Variants in PTCD2 observed in about 807,000 individuals in gnomAD.
The protein encoded by PTCD2 is pentatricopeptide repeat domain 2, also known as pentatricopeptide repeat-containing protein 2, mitochondrial.
PTCD2 carries 31 observed loss-of-function variants against 42.6 expected under a neutral mutation model. That is an observed-to-expected ratio of 0.73 (90% CI 0.55 to 0.98). The LOEUF (loss-of-function observed/expected upper bound fraction) is 0.98. Among genes scored for constraint, PTCD2 ranks in the 50% least tolerant of loss-of-function variants. PTCD2 has a pLI of 0.00. For synonymous variants in PTCD2, 183 were observed against 170.9 expected, an observed-to-expected ratio of 1.07 and a Z score of -0.55; for missense variants, 476 against 454.8, an observed-to-expected ratio of 1.05 and a Z score of -0.42.
intron 8 of PTCD2, among the ~76,000 whole-genome samples, chr5:72,346,103 T>C (rs950605652): frequency 3.3e-5 from 5 of 152,302 alleles, no homozygotes; most frequent in Admixed American, 1.3e-4. Flanking sequence ...ACCTCAACTT[T>C]ACTTTTCAAA....
Position 72,338,669 on chromosome 5 carries a change from T to G in PTCD2, c.687T>G (p.Ala229=). 1 of 1,612,964 alleles carries G rather than the reference T, an allele frequency of 6.2e-7. No homozygotes were observed. The highest frequency in any genetic ancestry group is 1.1e-5 in the South Asian group (1 of 91,012). Residue 229 remains alanine (A), a synonymous_variant, in exon 7 of 10, where the codon GCT becomes GCG. Transcript: ENST00000380639. ...FKICTTLREE[A]LLKGEILSRR... ...TCTGTACTACATTAAGAGAAGAAGCTCTACTCAAAGGAGAAATTCTCTCCA... is the reference window on the plus strand; with the variant it reads ...TCTGTACTACATTAAGAGAAGAAGCGCTACTCAAAGGAGAAATTCTCTCCA...
intron 8 of PTCD2, among the ~76,000 whole-genome samples, chr5:72,349,160 C>T (rs975360682): frequency 3.3e-5 from 5 of 152,208 alleles, no homozygotes; most frequent in African/African-American, 1.2e-4. Context: ...CAGCCTCTTT[C>T]TATGTTTCTA....
chr5:72,332,316 A>C (rs1329626394), intron 4 of PTCD2, among the ~76,000 whole-genome samples: 1 of 152,196 alleles, frequency 6.6e-6, no homozygotes, highest in Non-Finnish European at 1.5e-5. Flanking sequence ...ATAATATATT[A>C]GTAAGCAGAG....
At chr5:72,326,587 G>C in intron 2 of PTCD2, 25 bp from the exon 3 acceptor site, 2 of 1,613,422 alleles carry the variant, frequency 1.2e-6, no homozygotes, top group Non-Finnish European at 1.7e-6. Flanking sequence ...CTGAGTGATG[G>C]TCACCATACT....
chr5:72,350,300 A>G (rs1200787220), intron 8 of PTCD2, among the ~76,000 whole-genome samples: 7 of 91,922 alleles, frequency 7.6e-5, no homozygotes, highest in Non-Finnish European at 2.0e-4. Flanking sequence ...AGGACAATTT[A>G]TTATGTAGCA....
intron 7 of PTCD2, among the ~76,000 whole-genome samples, chr5:72,339,216 A>G (rs1404062847): frequency 6.6e-6 from 1 of 152,208 alleles, no homozygotes; most frequent in Non-Finnish European, 1.5e-5. Flanking sequence ...GAGGTAGCAG[A>G]GACCCAGACA....
At chr5:72,347,414 G>A (rs1204585573) in intron 8 of PTCD2, among the ~76,000 whole-genome samples, 3 of 152,170 alleles carry the variant, frequency 2.0e-5, no homozygotes, top group Non-Finnish European at 2.9e-5. Flanking sequence ...GGCTGGGTGC[G>A]GTGGCTCATG....
chr5:72,343,416 G>A (rs146320744), intron 8 of PTCD2, among the ~76,000 whole-genome samples: 56 of 152,284 alleles, frequency 3.7e-4, no homozygotes, highest in South Asian at 6.2e-4. Context: ...TGCCAACTGC[G>A]TCTTATTGGT....
intron 9 of PTCD2, among the ~76,000 whole-genome samples, chr5:72,357,638 C>A (rs1230090614): frequency 1.3e-5 from 2 of 152,120 alleles, no homozygotes; most frequent in African/African-American, 4.8e-5. Flanking sequence ...TTACATTGAA[C>A]AAAGTTGATT....
chr5:72,320,621 C>T (rs1452328221), intron 1 of PTCD2, 112 bp downstream of exon 1: 1 of 1,473,626 alleles, frequency 6.8e-7, no homozygotes, highest in Admixed American at 1.9e-5. Flanking sequence ...ACTCACTGGC[C>T]TGGAGCGCAC....
chr5:72,322,996 T>A (rs1750943057), intron 2 of PTCD2, among the ~76,000 whole-genome samples: 4 of 152,112 alleles, frequency 2.6e-5, no homozygotes, highest in African/African-American at 9.6e-5. Flanking sequence ...CAAATTTTTT[T>A]AAAGTTAGTT....
chr5:72,362,844 G>A lies in PTCD2; in HGVS notation c.*4417G>A, dbSNP rs1161386795. ...GACTCCCAGGGATCTTTTTGTTTCT[G>A]TAGGAGGTGCTCATTACAGAGTGGC... is the stretch of plus-strand genomic sequence containing the variant. On this transcript the variant is annotated 3_prime_UTR_variant, in exon 10 of 10. Transcript: ENST00000380639. The A allele has an allele frequency of 6.6e-6, 1 of 152,174 alleles. No homozygotes were observed. Among genetic ancestry groups the A allele is most frequent in the African/African-American group, 2.4e-5 (1 of 41,428 alleles). The allele number at this position is 152,174 out of a possible 1,614,324, so 9.4% of individuals were successfully genotyped here.
Position 72,325,722 on chromosome 5 carries a change from CA to C in PTCD2, c.221-887del, listed in dbSNP as rs1261599592. On this transcript the variant is annotated intron_variant, in intron 2 of 9. Transcript: ENST00000380639. ...GCCTCTCCTTTCAGCAGCATTCCTT[CA>C]AAGCTCTGGGTTCTTGGAACAAATC... Among the ~76,000 whole-genome samples, 3 of 152,244 alleles carry C rather than the reference CA, an allele frequency of 2.0e-5. No homozygotes were observed. The East Asian group carries it at 5.8e-4, about 29-fold the overall frequency.
intron 6 of PTCD2, among the ~76,000 whole-genome samples, chr5:72,336,564 G>A (rs1751752187): frequency 6.6e-6 from 1 of 152,000 alleles, no homozygotes; most frequent in East Asian, 1.9e-4. Context: ...CAAAAAATTA[G>A]CCAGGCGTGG....
intron 8 of PTCD2, among the ~76,000 whole-genome samples, chr5:72,348,786 G>A (rs1228592328): frequency 6.6e-6 from 1 of 152,222 alleles, no homozygotes; most frequent in South Asian, 2.1e-4. Flanking sequence ...TTTTGGAATT[G>A]AATTTACCTT....
At chr5:72,334,312 T>C (rs182763791) in intron 4 of PTCD2, among the ~76,000 whole-genome samples, 1 of 152,356 alleles carries the variant, frequency 6.6e-6, no homozygotes, top group East Asian at 1.9e-4. Flanking sequence ...ACCATAGTTG[T>C]GTGAGACCCT....
At chr5:72,346,323 T>A (rs1042578766) in intron 8 of PTCD2, among the ~76,000 whole-genome samples, 1 of 152,230 alleles carries the variant, frequency 6.6e-6, no homozygotes, top group African/African-American at 2.4e-5. Context: ...TATGAACTGA[T>A]GAATGCCATA....
intron 4 of PTCD2, among the ~76,000 whole-genome samples, chr5:72,333,879 G>A (rs1751573111): frequency 6.6e-6 from 1 of 151,926 alleles, no homozygotes; most frequent in African/African-American, 2.4e-5. Flanking sequence ...TTGGATACAG[G>A]GTCTTGCTCC....
intron 2 of PTCD2, among the ~76,000 whole-genome samples, chr5:72,323,533 C>CT (rs892613033): frequency 5.0e-4 from 74 of 148,760 alleles, no homozygotes; most frequent in Admixed American, 1.5e-3. Context: ...TAAGACTTTC[C>CT]TTTTTTTTTT....
Sources: allele counts gnomAD v4.1 joint callset (sites outside exome capture counted in the v4.1 genomes callset), GRCh38; gene constraint gnomAD v4.1.1; transcripts MANE v1.5; gene names NCBI Gene and HGNC (gene_info 2026-07-23, HGNC 2026-07-21).